KIAA1217: variants seen among roughly 807,000 people sequenced by gnomAD.
The protein encoded by KIAA1217 is sickle tail protein homolog.
In KIAA1217, 88 loss-of-function variants were observed where a neutral mutation model predicts 163.9. The observed-to-expected ratio is 0.54, with a 90% CI of 0.45 to 0.64. The LOEUF (loss-of-function observed/expected upper bound fraction) is 0.64. KIAA1217 is among the 30% of genes least tolerant of loss of function. KIAA1217 has a pLI of 0.00. For synonymous variants in KIAA1217, 903 were observed against 923.1 expected (o/e 0.98, Z 0.39); for missense variants, 2,372 against 2,475.0 (o/e 0.96, Z 0.88).
chr10:24,114,967 G>T (rs565103400), intron 2 of KIAA1217, among the ~76,000 whole-genome samples: 2 of 152,278 alleles, frequency 1.3e-5, no homozygotes, highest in South Asian at 4.1e-4. Context: ...TGCTCAACTG[G>T]TTCCTTCTCA....
At chr10:23,837,567 T>C (rs181591668) in intron 1 of KIAA1217, among the ~76,000 whole-genome samples, 33 of 152,320 alleles carry the variant, frequency 2.2e-4, no homozygotes, top group Admixed American at 1.8e-3. Context: ...GGGATCTTGC[T>C]CTGTCACCTA....
At chr10:24,451,184 C>T (rs191624922) in intron 5 of KIAA1217, among the ~76,000 whole-genome samples, 39 of 152,210 alleles carry the variant, frequency 2.6e-4, no homozygotes, top group Admixed American at 5.9e-4. Flanking sequence ...CTTCATGTGC[C>T]GTGTTGCTCA....
chr10:23,771,742 C>A (rs1026848259), intron 1 of KIAA1217, among the ~76,000 whole-genome samples: 2 of 152,196 alleles, frequency 1.3e-5, no homozygotes, highest in Admixed American at 6.5e-5. Flanking sequence ...GTTTAAGGGT[C>A]AGTCTTGGAA....
intron 2 of KIAA1217, among the ~76,000 whole-genome samples, chr10:24,019,218 A>T (rs1847626355): frequency 1.3e-5 from 2 of 152,112 alleles, no homozygotes; most frequent in Non-Finnish European, 2.9e-5. Context: ...CAGAAAAATG[A>T]TAAGTAGGTG....
rs1218006372 is a variant in KIAA1217 at position 24,093,955 on chromosome 10, C to G, written c.-171+86581C>G. Among the ~76,000 whole-genome samples, 4 of 151,834 alleles carry G rather than the reference C, an allele frequency of 2.6e-5. No individual in the cohort carries two copies. In the East Asian group the frequency reaches 5.8e-4, roughly 22 times the overall value. The stretch of plus-strand genomic sequence containing the variant: ...TGAGAATGATGATTTCCAATTTCAT[C>G]CGTGTCCCTACAAAGGACATGAACT... On this transcript the variant is annotated intron_variant, in intron 2 of 18. Transcript: ENST00000376462.
chr10:24,051,431 A>T (rs1222522120), intron 2 of KIAA1217, among the ~76,000 whole-genome samples: 2 of 152,170 alleles, frequency 1.3e-5, no homozygotes, highest in Non-Finnish European at 2.9e-5. Flanking sequence ...TAGTAATAGG[A>T]TTGCTAGATC....
intron 3 of KIAA1217, among the ~76,000 whole-genome samples, chr10:24,413,026 G>A (rs933546447): frequency 6.6e-6 from 1 of 152,086 alleles, no homozygotes; most frequent in African/African-American, 2.4e-5. Context: ...TATCTAATCT[G>A]ATGAGAAATC....
chr10:24,213,835 G>A (rs11013974), intron 1 of KIAA1217, among the ~76,000 whole-genome samples: 68,812 of 151,674 alleles, frequency 0.45, 16,949 homozygotes, highest in East Asian at 0.63. Context: ...ATAATGACCT[G>A]GTTTCAGCTG....
At chr10:23,973,927 T>C (rs1018834751) in intron 1 of KIAA1217, among the ~76,000 whole-genome samples, 2 of 152,198 alleles carry the variant, frequency 1.3e-5, no homozygotes, top group Non-Finnish European at 2.9e-5. Flanking sequence ...GGGACAATCC[T>C]AGAATCAGAT....
chr10:24,097,756 AC>A (rs1162040895), intron 2 of KIAA1217, among the ~76,000 whole-genome samples: 1 of 152,190 alleles, frequency 6.6e-6, no homozygotes, highest in African/African-American at 2.4e-5. Context: ...CTGTCTGCAT[AC>A]CTCTTCCAAA....
chr10:24,072,878 G>T lies in KIAA1217; in HGVS notation c.-171+65504G>T, dbSNP rs536801541. 2.6e-5 allele frequency among the ~76,000 whole-genome samples: 4 copies of T among 152,102 alleles called. 1 individual carries two copies. Among genetic ancestry groups the T allele is most frequent in the East Asian group, 1.9e-4 (1 of 5,156 alleles). On this transcript the variant is annotated intron_variant, in intron 2 of 18. Coordinates refer to the KIAA1217 transcript ENST00000376462. ...GAAGGACTGCAGCCTGGGCAACCTG[G>T]TGAAACCCCATCTCTACAGAAATAC...
At chr10:23,884,240 G>A (rs1253876029) in intron 1 of KIAA1217, among the ~76,000 whole-genome samples, 1 of 151,934 alleles carries the variant, frequency 6.6e-6, no homozygotes, top group Non-Finnish European at 1.5e-5. Flanking sequence ...ATGAATGAGA[G>A]TTCCTATTGC....
intron 1 of KIAA1217, among the ~76,000 whole-genome samples, chr10:23,704,181 T>TGC (rs1456514917): frequency 1.0e-5 from 1 of 97,432 alleles, no homozygotes; most frequent in East Asian, 2.7e-4. Context: ...TGTATATATA[T>TGC]ATATATATAT....
chr10:24,253,264 A>T (rs534777725), intron 2 of KIAA1217, among the ~76,000 whole-genome samples: 1 of 152,246 alleles, frequency 6.6e-6, no homozygotes, highest in South Asian at 2.1e-4. Context: ...GCTTTTGTGC[A>T]AGCACTATTA....
chr10:23,748,279 G>A (rs1299699230), intron 1 of KIAA1217, among the ~76,000 whole-genome samples: 1 of 151,752 alleles, frequency 6.6e-6, no homozygotes, highest in African/African-American at 2.4e-5. Flanking sequence ...TTATCCCTGG[G>A]TCTTAACTGA....
intron 1 of KIAA1217, among the ~76,000 whole-genome samples, chr10:23,838,591 G>C (rs1276315065): frequency 2.6e-5 from 4 of 152,050 alleles, no homozygotes; most frequent in Admixed American, 1.3e-4. Flanking sequence ...CTCCCAAGTA[G>C]CTGGAATTAC....
intron 1 of KIAA1217, among the ~76,000 whole-genome samples, chr10:23,753,334 T>C (rs968625877): frequency 6.6e-6 from 1 of 152,194 alleles, no homozygotes; most frequent in Non-Finnish European, 1.5e-5. Flanking sequence ...AGCATGACCA[T>C]TAAGCTTCTA....
intron 2 of KIAA1217, among the ~76,000 whole-genome samples, chr10:24,114,700 TGG>T (rs1409340913): frequency 2.0e-5 from 3 of 152,244 alleles, no homozygotes; most frequent in Non-Finnish European, 4.4e-5. Flanking sequence ...ACAGCACATC[TGG>T]AGAAATCCTT....
intron 1 of KIAA1217, among the ~76,000 whole-genome samples, chr10:23,903,806 C>G (rs116720123): frequency 1.3e-5 from 2 of 152,100 alleles, no homozygotes; most frequent in Non-Finnish European, 2.9e-5. Context: ...GTATTTCCTA[C>G]ACCTCATCAC....
Sources: allele counts gnomAD v4.1 joint callset (sites outside exome capture counted in the v4.1 genomes callset), GRCh38; gene constraint gnomAD v4.1.1; transcripts MANE v1.5; gene names NCBI Gene and HGNC (gene_info 2026-07-23, HGNC 2026-07-21).